Variants in CSMD3 observed in about 807,000 individuals in gnomAD.
The protein encoded by CSMD3 is CUB and sushi domain-containing protein 3.
CSMD3 carries 177 observed loss-of-function variants against 435.2 expected under a neutral mutation model. That is an observed-to-expected ratio of 0.41 (90% confidence interval 0.36 to 0.46). CSMD3 has a LOEUF of 0.46. CSMD3 is among the 20% of genes least tolerant of loss of function. CSMD3 has a pLI of 0.34. For missense variants in CSMD3, 4,265 were observed against 4,504.6 expected (o/e 0.95, Z 1.52); for synonymous variants, 1,656 against 1,520.5 (o/e 1.09, Z -2.07).
At chr8:113,299,288 G>A (rs1731667181) in intron 2 of CSMD3, among the ~76,000 whole-genome samples, 1 of 152,168 alleles carries the variant, frequency 6.6e-6, no homozygotes, top group South Asian at 2.1e-4. Context: ...GTTAATTCTA[G>A]AATTATTTTC....
At chr8:112,985,891 A>G (rs986552734) in intron 6 of CSMD3, among the ~76,000 whole-genome samples, 3 of 152,172 alleles carry the variant, frequency 2.0e-5, no homozygotes, top group Admixed American at 6.6e-5. Context: ...TTGTATAATT[A>G]TTTGATTATA....
chr8:112,916,986 G>C (rs2082591323), intron 10 of CSMD3, among the ~76,000 whole-genome samples: 1 of 151,776 alleles, frequency 6.6e-6, no homozygotes, highest in Non-Finnish European at 1.5e-5. Context: ...AGTTAGTGAG[G>C]GTCGCAGCTC....
rs111284339 is a variant in CSMD3, at chr8:112,786,249, CT to C, written c.1972+13912del. 2.5e-4 allele frequency among the ~76,000 whole-genome samples: 38 copies of C among 152,144 alleles called. 1 individual carries two copies. Among genetic ancestry groups the C allele is most frequent in the African/African-American group, 8.2e-4 (34 of 41,518 alleles). The stretch of plus-strand genomic sequence containing the variant: ...ATATGCAGAAGAAGGAAGCTAGACC[CT>C]TATCTCTTGCCATAGGCATAAAACC... On this transcript the variant is annotated intron_variant, in intron 13 of 70. Transcript: ENST00000297405.
At chr8:112,706,569 A>T (rs2076503335) in intron 13 of CSMD3, among the ~76,000 whole-genome samples, 1 of 152,054 alleles carries the variant, frequency 6.6e-6, no homozygotes, top group Non-Finnish European at 1.5e-5. Flanking sequence ...AGGGAATGAT[A>T]GTGTGAACAA....
intron 10 of CSMD3, among the ~76,000 whole-genome samples, chr8:112,881,537 G>A (rs1231768378): frequency 2.6e-5 from 4 of 152,178 alleles, no homozygotes; most frequent in African/African-American, 9.6e-5. Context: ...GTATGAAAAT[G>A]ATGCTGCTAA....
chr8:112,500,401 T>G (rs1821824069), intron 30 of CSMD3, among the ~76,000 whole-genome samples: 1 of 152,156 alleles, frequency 6.6e-6, no homozygotes, highest in Non-Finnish European at 1.5e-5. Flanking sequence ...TCCACCACCT[T>G]AAATCACTGG....
chr8:112,434,689 T>C (rs1011795062), intron 32 of CSMD3, among the ~76,000 whole-genome samples: 6 of 152,118 alleles, frequency 3.9e-5, no homozygotes, highest in Non-Finnish European at 5.9e-5. Flanking sequence ...ACAGGCTCCT[T>C]CTAAGACCCT....
chr8:113,217,798 A>G (rs1360145519), intron 3 of CSMD3, among the ~76,000 whole-genome samples: 3 of 151,394 alleles, frequency 2.0e-5, no homozygotes, highest in Admixed American at 1.3e-4. Flanking sequence ...AAACATATAT[A>G]AGATATGATG....
chr8:112,324,866 ACTACTAGAGTC>A (rs1823346130), intron 45 of CSMD3, among the ~76,000 whole-genome samples: 1 of 152,070 alleles, frequency 6.6e-6, no homozygotes, highest in Admixed American at 6.6e-5. Flanking sequence ...ATAGCAAGAG[ACTACTAGAGTC>A]TATATTGCAG....
intron 32 of CSMD3, among the ~76,000 whole-genome samples, chr8:112,442,054 C>A (rs1185940342): frequency 6.6e-6 from 1 of 152,122 alleles, no homozygotes; most frequent in Non-Finnish European, 1.5e-5. Flanking sequence ...GCTCATGGAT[C>A]TGTAGGTTAG....
At chr8:113,356,389 T>G in intron 1 of CSMD3, among the ~76,000 whole-genome samples, 1 of 152,092 alleles carries the variant, frequency 6.6e-6, no homozygotes, top group Non-Finnish European at 1.5e-5. Context: ...GAAGTCTGGA[T>G]ACTTAGTGAA....
At chr8:112,366,225 C>G (rs866213500) in intron 38 of CSMD3, among the ~76,000 whole-genome samples, 1 of 152,068 alleles carries the variant, frequency 6.6e-6, no homozygotes, top group Non-Finnish European at 1.5e-5. Context: ...CTGGAGAAAC[C>G]AAGGAAAATA....
At chr8:113,256,117 G>A (rs1284376387) in intron 3 of CSMD3, among the ~76,000 whole-genome samples, 3 of 151,778 alleles carry the variant, frequency 2.0e-5, no homozygotes, top group Non-Finnish European at 4.4e-5. Context: ...GAGATTTCAT[G>A]AGAAGCAACA....
intron 1 of CSMD3, among the ~76,000 whole-genome samples, chr8:113,339,397 G>A (rs548778218): frequency 6.6e-5 from 10 of 151,872 alleles, no homozygotes; most frequent in Non-Finnish European, 1.5e-4. Flanking sequence ...CTGCCAAATG[G>A]ATGTTTTTGA....
chr8:113,075,135 C>T (rs2089284839), intron 5 of CSMD3, among the ~76,000 whole-genome samples: 1 of 151,626 alleles, frequency 6.6e-6, no homozygotes, highest in South Asian at 2.1e-4. Flanking sequence ...TGACATACCA[C>T]TTAATGTTAA....
At chr8:113,248,906 T>C (rs2093307506) in intron 3 of CSMD3, among the ~76,000 whole-genome samples, 1 of 152,060 alleles carries the variant, frequency 6.6e-6, no homozygotes, top group African/African-American at 2.4e-5. Context: ...CCTGACAATC[T>C]TATTTAGAAA....
chr8:112,931,546 T>C (rs1211560561), intron 9 of CSMD3, among the ~76,000 whole-genome samples: 1 of 147,382 alleles, frequency 6.8e-6, no homozygotes, highest in Non-Finnish European at 1.5e-5. Flanking sequence ...AGGAAAAGAT[T>C]GTATGGTTAA....
intron 16 of CSMD3, among the ~76,000 whole-genome samples, chr8:112,679,999 C>T (rs2075852412): frequency 6.6e-6 from 1 of 152,224 alleles, no homozygotes; most frequent in Admixed American, 6.5e-5. Context: ...TCACACTGAA[C>T]TGGCTCTATT....
At chr8:113,038,614 T>A (rs1477365015) in intron 5 of CSMD3, among the ~76,000 whole-genome samples, 1 of 152,180 alleles carries the variant, frequency 6.6e-6, no homozygotes, top group Non-Finnish European at 1.5e-5. Context: ...GAAAATATTG[T>A]GACAAGTTGA....
Sources: gnomAD v4.1 joint callset for allele counts (sites outside exome capture counted in the v4.1 genomes callset) on GRCh38, gnomAD v4.1.1 for gene constraint, MANE v1.5 for transcripts, NCBI Gene and HGNC (gene_info 2026-07-23, HGNC 2026-07-21) for gene names.